Variants in L3MBTL2 observed in about 807,000 individuals in gnomAD.
L3MBTL2 encodes the protein lethal(3)malignant brain tumor-like protein 2.
Under a neutral mutation model 86.4 loss-of-function variants are expected in L3MBTL2, and 49 were observed. The ratio of observed to expected loss-of-function variants is 0.57; its 90% CI spans 0.45 to 0.72. The LOEUF (loss-of-function observed/expected upper bound fraction) is 0.72, where lower values mean the gene tolerates loss of function less well. Ranked by LOEUF, L3MBTL2 falls within the 30% of genes least tolerant of loss-of-function variation. The pLI is 0.00. For missense variants in L3MBTL2, 755 were observed against 923.7 expected, an observed-to-expected ratio of 0.82 and a Z score of 2.37; for synonymous variants, 336 against 350.6, an observed-to-expected ratio of 0.96 and a Z score of 0.47.
At chr22:41,219,644 C>A in intron 6 of L3MBTL2, 108 bp downstream of exon 6, 1 of 703,096 alleles carries the variant, frequency 1.4e-6, no homozygotes, top group Non-Finnish European at 2.5e-6. Flanking sequence ...AAAAATCCCA[C>A]CCACTGGAAT....
chr22:41,208,032 AT>A (rs1373650203), intron 1 of L3MBTL2, among the ~76,000 whole-genome samples: 4 of 151,656 alleles, frequency 2.6e-5, no homozygotes, highest in African/African-American at 4.8e-5. Context: ...GGATTTCACC[AT>A]GTTGGCCAGG....
chr22:41,205,618 T>C (rs1569133237), intron 1 of L3MBTL2, among the ~76,000 whole-genome samples: 1 of 152,066 alleles, frequency 6.6e-6, no homozygotes, highest in Non-Finnish European at 1.5e-5. Context: ...GTCCCTGGCC[T>C]GGGGGAAAGG....
chr22:41,219,337 C>A (rs946716186), intron 5 of L3MBTL2, 82 bp from the exon 6 acceptor site: 3 of 1,022,066 alleles, frequency 2.9e-6, no homozygotes, highest in African/African-American at 3.2e-5. Context: ...CAAACGAGGA[C>A]TTGACTGAGG....
chr22:41,214,003 G>T lies in L3MBTL2; in HGVS notation c.373G>T (p.Ala125Ser), dbSNP rs2145579082. The T allele has an allele frequency of 6.2e-7, 1 of 1,614,170 alleles. No homozygotes were observed. Among genetic ancestry groups the T allele is most frequent in the East Asian group, 2.2e-5 (1 of 44,890 alleles). Residue 125 changes from alanine (A) to serine (S), a missense_variant, in exon 3 of 17, where the codon GCC becomes TCC. Physicochemically the swap from Ala to Ser is moderately conservative, Grantham distance 99 (BLOSUM62 1). Around this residue, in one of 3 missense-constraint regions of L3MBTL2, gnomAD observed 18 missense variants for 69.7 expected, o/e 0.26. Transcript: ENST00000216237. Reference protein sequence around the residue: ...SRSYSSNSKKASILARLQGKP... With the variant: ...SRSYSSNSKKSSILARLQGKP... ...GAGCTACTCCTCCAACTCCAAGAAA[G>T]CCAGTATCTTGGCTAGGTTACAGGT...
chr22:41,226,070 A>G (rs1326772233), intron 12 of L3MBTL2, 129 bp downstream of exon 12: 31 of 956,160 alleles, frequency 3.2e-5, no homozygotes, highest in Non-Finnish European at 4.5e-5. Context: ...TGAGGTCAGG[A>G]GTTTGAGACC....
rs2032265694 is a variant in L3MBTL2 at position 41,227,445 on chromosome 22, TTA to T, written c.1822+123_1822+124del. On this transcript the variant is annotated intron_variant, in intron 14 of 16. Coordinates refer to ENST00000216237, the MANE Select transcript of L3MBTL2 (RefSeq NM_031488.5). The surrounding 1 kb of genome is among the most constrained non-coding windows in gnomAD (Gnocchi z 6.0). ...AGGTGGAGATGTCTCATGGACCACTTTAAGTAGAGAGTGAGCCCCGTCACCCA... is the reference window on the plus strand; with the variant it reads ...AGGTGGAGATGTCTCATGGACCACTTAGTAGAGAGTGAGCCCCGTCACCCA... The T allele has an allele frequency of 1.7e-6, 2 of 1,208,768 alleles. No individual in the cohort carries two copies. Among genetic ancestry groups the T allele is most frequent in the Middle Eastern group, 1.9e-4 (1 of 5,306 alleles). The allele number at this position is 1,208,768 out of a possible 1,614,324, so 74.9% of individuals were successfully genotyped here.
In L3MBTL2 at chr22:41,224,099, G is replaced by A. The variant is rs368713828; in HGVS notation, c.1022G>A (p.Arg341His). The A allele has an allele frequency of 1.4e-5, 23 of 1,614,044 alleles. 1 individual carries two copies. The African/African-American group carries it at 1.5e-4, about 10-fold the overall frequency. ...VVDKSQVSRT[R>H]MAVVDTVIGG... ...GACAAGTCCCAGGTGTCACGCACTC[G>A]CATGGCTGTGGTGGACACAGTAATC... The change falls in exon 9 of 17, where the codon CGC becomes CAC. Residue 341 changes from arginine to histidine, a missense_variant. Physicochemically the swap from Arg to His is conservative, Grantham distance 29 (BLOSUM62 0). Transcript: ENST00000216237. The surrounding 1 kb of genome is among the most constrained non-coding windows in gnomAD (Gnocchi z 4.9).
intron 16 of L3MBTL2, 41 bp downstream of exon 16, chr22:41,229,697 T>C: frequency 6.2e-7 from 1 of 1,612,702 alleles, no homozygotes. Flanking sequence ...ACCAGCCTGC[T>C]CCGTGCTCAG....
At chr22:41,222,245 C>T (rs1403207777) in intron 8 of L3MBTL2, among the ~76,000 whole-genome samples, 1 of 152,158 alleles carries the variant, frequency 6.6e-6, no homozygotes, top group Non-Finnish European at 1.5e-5. Context: ...ACAAAGAATA[C>T]AGACCCTGCC....
At position 41,219,508 on chromosome 22, in the gene L3MBTL2, C is replaced by T; in HGVS notation, c.690C>T (p.Tyr230=). 6.2e-7 allele frequency: 1 copy of T among 1,613,608 alleles called. No homozygotes were observed. The highest frequency in any genetic ancestry group is 2.2e-5 in the East Asian group (1 of 44,868). Residue 230 remains tyrosine (Y), a synonymous_variant, in exon 6 of 17, where the codon TAC becomes TAT. Transcript: ENST00000216237. ...NSDAVLPSRV[Y]WIASVIQTAG... is the part of the protein sequence containing the mutation. Reference sequence around the variant, plus strand: ...ATGCTGTGCTCCCCAGCCGGGTGTACTGGATCGCCTCTGTCATCCAGACAG... The same window carrying T: ...ATGCTGTGCTCCCCAGCCGGGTGTATTGGATCGCCTCTGTCATCCAGACAG...
At chr22:41,221,102 C>A in intron 7 of L3MBTL2, 97 bp from the exon 8 acceptor site, 1 of 1,117,980 alleles carries the variant, frequency 8.9e-7, no homozygotes, top group Non-Finnish European at 1.3e-6. Flanking sequence ...TTTCAGTCCC[C>A]ACTGCTGAGG....
intron 3 of L3MBTL2, among the ~76,000 whole-genome samples, chr22:41,215,896 T>C: frequency 6.6e-6 from 1 of 152,208 alleles, no homozygotes; most frequent in East Asian, 1.9e-4. Context: ...GCTTAAAAGA[T>C]AGAACATGGG....
rs755964262 is a variant in L3MBTL2 at position 41,225,963 on chromosome 22, C to T, written c.1504+22C>T. The stretch of plus-strand genomic sequence containing the variant: ...AAAGGTAAGACTAGAGAGGCCACCA[C>T]CTGCTGTCCTTGCCATCAGAAGGGG... On this transcript the variant is annotated intron_variant, in intron 12 of 16. Transcript: ENST00000216237. The surrounding 1 kb of genome is among the most constrained non-coding windows in gnomAD (Gnocchi z 4.1). The T allele has an allele frequency of 4.3e-6, 7 of 1,611,342 alleles. No homozygotes were observed. The highest frequency in any genetic ancestry group is 1.7e-5 in the Admixed American group (1 of 59,936).
Position 41,229,574 on chromosome 22 carries a change from C to G in L3MBTL2, c.1923C>G (p.Leu641=). The G allele has an allele frequency of 6.2e-7, 1 of 1,613,272 alleles. No homozygotes were observed. Among genetic ancestry groups the G allele is most frequent in the East Asian group, 2.2e-5 (1 of 44,836 alleles). ...KRIPPTKTRP[L]RQGSKKPLLE... Reference sequence around the variant, plus strand: ...TCCCGCCCACTAAGACGCGACCCCTCAGACAGGGGTCCAAGAAGCCCCTGC... The same window carrying G: ...TCCCGCCCACTAAGACGCGACCCCTGAGACAGGGGTCCAAGAAGCCCCTGC... Residue 641 remains leucine (L), a synonymous_variant, in exon 16 of 17, where the codon CTC becomes CTG. Coordinates refer to ENST00000216237, the MANE Select transcript of L3MBTL2 (RefSeq NM_031488.5).
At chr22:41,205,463 T>G (rs568200703) in intron 1 of L3MBTL2, 77 bp downstream of exon 1, 1 of 1,528,438 alleles carries the variant, frequency 6.5e-7, no homozygotes, top group East Asian at 2.3e-5. Context: ...CTTTAGGGCT[T>G]TTAGCGACGC....
intron 15 of L3MBTL2, chr22:41,228,332 G>C: frequency 1.0e-6 from 1 of 985,470 alleles, no homozygotes; most frequent in Non-Finnish European, 1.2e-6. Flanking sequence ...CTGAGTGGCA[G>C]GACTCCACCT....
At chr22:41,205,551 T>C (rs1227287387) in intron 1 of L3MBTL2, among the ~76,000 whole-genome samples, 165 bp downstream of exon 1, 1 of 152,032 alleles carries the variant, frequency 6.6e-6, no homozygotes, top group Non-Finnish European at 1.5e-5. Flanking sequence ...TGACGTTACT[T>C]TTTGCCCCTC....
rs2031799029 is a variant in L3MBTL2, at chr22:41,221,275, T to G, written c.930T>G (p.Asp310Glu). Reference sequence around the variant, plus strand: ...TGGGCTCCAGGACGCTTCCCGTGGATTTCCACATCAAGGTCGGCAGTGAGC... The same window carrying G: ...TGGGCTCCAGGACGCTTCCCGTGGAGTTCCACATCAAGGTCGGCAGTGAGC... ...RLVGSRTLPV[D>E]FHIKMVESMK... Residue 310 changes from aspartate to glutamate, a missense_variant, in exon 8 of 17, where the codon GAT becomes GAG. By Grantham distance (45) the Asp-to-Glu change is conservative. This residue lies in a region of L3MBTL2 where 634 missense variants were observed against 748.9 expected (regional missense o/e 0.85). Transcript: ENST00000216237. 1 of 1,551,514 alleles carries G rather than the reference T, an allele frequency of 6.4e-7. No homozygotes were observed. Among genetic ancestry groups the G allele is most frequent in the Non-Finnish European group, 8.7e-7 (1 of 1,146,902 alleles).
At chr22:41,211,030 G>A (rs2030736337) in intron 2 of L3MBTL2, among the ~76,000 whole-genome samples, 1 of 152,114 alleles carries the variant, frequency 6.6e-6, no homozygotes, top group Non-Finnish European at 1.5e-5. Flanking sequence ...ACTGGGTTGG[G>A]GGCGGGCAGA....
Sources: gnomAD v4.1 joint callset for allele counts (sites outside exome capture counted in the v4.1 genomes callset) on GRCh38, gnomAD v4.1.1 for gene constraint, gnomAD v4.1.1 regional missense constraint, Gnocchi (gnomAD v3.1) non-coding constraint, MANE v1.5 for transcripts, NCBI Gene and HGNC (gene_info 2026-07-23, HGNC 2026-07-21) for gene names.